Variants in FAM20B observed in about 807,000 individuals in gnomAD.
FAM20B encodes glycosaminoglycan xylosylkinase.
Under a neutral mutation model 43.8 loss-of-function variants are expected in FAM20B, and 23 were observed. The observed-to-expected ratio is 0.53, with a 90% CI of 0.38 to 0.74. The LOEUF is 0.74. Among genes scored for constraint, FAM20B ranks in the 30% least tolerant of loss-of-function variants. FAM20B has a pLI of 0.00. For synonymous variants in FAM20B, 178 were observed against 192.4 expected (o/e 0.93, Z 0.62); for missense variants, 440 against 510.5 (o/e 0.86, Z 1.33).
intron 4 of FAM20B, among the ~76,000 whole-genome samples, chr1:179,058,837 A>G (rs563427817): frequency 6.6e-6 from 1 of 152,318 alleles, no homozygotes; most frequent in East Asian, 1.9e-4. Context: ...TGGAATGGAA[A>G]GAATTTGGTG....
intron 1 of FAM20B, among the ~76,000 whole-genome samples, chr1:179,036,057 G>A (rs140161009): frequency 5.6e-4 from 86 of 152,290 alleles, no homozygotes; most frequent in African/African-American, 1.8e-3. Context: ...TTGAATCCAG[G>A]AGTTGGAGGT....
chr1:179,041,252 G>A (rs1445216233), intron 1 of FAM20B, among the ~76,000 whole-genome samples: 1 of 152,144 alleles, frequency 6.6e-6, no homozygotes, highest in Non-Finnish European at 1.5e-5. Flanking sequence ...CCCAGACGGG[G>A]TGGCGGCCGA....
chr1:179,038,988 T>G (rs940775450), intron 1 of FAM20B, among the ~76,000 whole-genome samples: 4 of 152,242 alleles, frequency 2.6e-5, no homozygotes, highest in African/African-American at 9.6e-5. Context: ...CAGAATACAT[T>G]GCTCTGATAA....
chr1:179,063,586 TCAAAA>T (rs1019470174), intron 4 of FAM20B, among the ~76,000 whole-genome samples: 15 of 152,240 alleles, frequency 9.9e-5, no homozygotes, highest in African/African-American at 3.6e-4. Flanking sequence ...AGACCCTGTC[TCAAAA>T]CAACAACAAC....
intron 1 of FAM20B, among the ~76,000 whole-genome samples, chr1:179,027,209 T>G (rs7532578): frequency 0.78 from 118,293 of 152,194 alleles, 46,857 homozygotes; most frequent in African/African-American, 0.93. Context: ...TACAAATTAC[T>G]ATTGCCATTT....
At position 179,043,992 on chromosome 1, in the gene FAM20B, C is replaced by T. The variant is rs749923727; in HGVS notation, c.145C>T (p.Arg49Trp). Residue 49 changes from arginine to tryptophan, a missense_variant, in exon 2 of 8, where the codon CGG becomes TGG. Coordinates refer to ENST00000263733, the MANE Select transcript of FAM20B (RefSeq NM_014864.4). Reference protein sequence around the residue: ...RAFHRMMTGLRVELAPKLDHT... With the variant: ...RAFHRMMTGLWVELAPKLDHT... ...CTTTCACCGAATGATGACTGGCTTG[C>T]GGGTGGAGCTGGCACCCAAGCTGGA... 5.3e-5 allele frequency: 85 copies of T among 1,614,006 alleles called. No individual in the cohort carries two copies. The highest frequency in any genetic ancestry group is 6.7e-5 in the East Asian group (3 of 44,898).
rs566175947 is a variant in FAM20B, at chr1:179,040,009, A to G, written c.-133-3706A>G. Among the ~76,000 whole-genome samples, 27 of 152,334 alleles carry G rather than the reference A, an allele frequency of 1.8e-4. 1 individual carries two copies. The South Asian group carries it at 3.7e-3, about 21-fold the overall frequency. On this transcript the variant is annotated intron_variant, in intron 1 of 7. Coordinates refer to ENST00000263733, the MANE Select transcript of FAM20B (RefSeq NM_014864.4). The stretch of plus-strand genomic sequence containing the variant: ...ACCGCCCTTAATCCATTTAACCCTG[A>G]GTGGACACAGCACATGTTTCAGAGA...
At chr1:179,053,176 T>G (rs1557874361) in intron 3 of FAM20B, among the ~76,000 whole-genome samples, 1 of 152,192 alleles carries the variant, frequency 6.6e-6, no homozygotes. Flanking sequence ...AGTCGCCCTG[T>G]CACTTTTGTT....
At chr1:179,036,419 C>T (rs12747793) in intron 1 of FAM20B, among the ~76,000 whole-genome samples, 30 of 152,186 alleles carry the variant, frequency 2.0e-4, no homozygotes, top group African/African-American at 6.3e-4. Context: ...AATAAATGAC[C>T]GTAATATAAC....
chr1:179,021,527 C>A (rs1255041641), upstream of FAM20B, among the ~76,000 whole-genome samples: 1 of 152,116 alleles, frequency 6.6e-6, no homozygotes, highest in African/African-American at 2.4e-5. Flanking sequence ...AGCGTATATG[C>A]CACAACAAAG....
chr1:179,048,049 C>G (rs1466786495), intron 2 of FAM20B, among the ~76,000 whole-genome samples: 1 of 151,858 alleles, frequency 6.6e-6, no homozygotes, highest in Non-Finnish European at 1.5e-5. Flanking sequence ...TAGAGTGACA[C>G]TTTTATTTAC....
chr1:179,043,539 C>A (rs1650631380), intron 1 of FAM20B, among the ~76,000 whole-genome samples, 176 bp from the exon 2 acceptor site: 1 of 152,186 alleles, frequency 6.6e-6, no homozygotes, highest in African/African-American at 2.4e-5. Flanking sequence ...CCAGTTGGGC[C>A]ACTGCTGCCA....
chr1:179,035,208 A>C (rs1046536127), intron 1 of FAM20B: 2 of 423,356 alleles, frequency 4.7e-6, no homozygotes, highest in African/African-American at 4.1e-5. Flanking sequence ...TTTTCTGTAA[A>C]TGTTCCTCCA....
intron 1 of FAM20B, among the ~76,000 whole-genome samples, chr1:179,039,581 T>C (rs773557716): frequency 2.0e-4 from 30 of 152,296 alleles, no homozygotes; most frequent in Middle Eastern, 3.4e-3. Flanking sequence ...ATTTTAATTT[T>C]GAAAAATAAT....
At chr1:179,057,899 A>C (rs1651296815) in intron 4 of FAM20B, among the ~76,000 whole-genome samples, 1 of 152,174 alleles carries the variant, frequency 6.6e-6, no homozygotes, top group Admixed American at 6.5e-5. Context: ...GTGATATTTT[A>C]ACCAAGTCTT....
chr1:179,026,220 G>T (rs1572522632), intron 1 of FAM20B, 122 bp downstream of exon 1: 1 of 150,560 alleles, frequency 6.6e-6, no homozygotes, highest in African/African-American at 2.4e-5. Flanking sequence ...GGGGCCGCCT[G>T]GGGGCGGGGC....
At chr1:179,065,254 G>A (rs567539199) in intron 6 of FAM20B, among the ~76,000 whole-genome samples, 3 of 151,962 alleles carry the variant, frequency 2.0e-5, no homozygotes, top group South Asian at 2.1e-4. Flanking sequence ...GGGTTCAAGC[G>A]ATTCTCCACC....
intron 2 of FAM20B, among the ~76,000 whole-genome samples, chr1:179,048,140 A>T (rs1650857856): frequency 6.6e-6 from 1 of 152,136 alleles, no homozygotes; most frequent in Non-Finnish European, 1.5e-5. Context: ...TGATTTTCAC[A>T]GGCAAAAACA....
At chr1:179,045,316 T>C (rs1650717158) in intron 2 of FAM20B, among the ~76,000 whole-genome samples, 1 of 152,248 alleles carries the variant, frequency 6.6e-6, no homozygotes, top group Admixed American at 6.5e-5. Context: ...AAGTTTGTAA[T>C]GTCTGAAATC....
Sources: allele counts gnomAD v4.1 joint callset (sites outside exome capture counted in the v4.1 genomes callset), GRCh38; gene constraint gnomAD v4.1.1; transcripts MANE v1.5; gene names NCBI Gene and HGNC (gene_info 2026-07-23, HGNC 2026-07-21).